MTX2: variants seen among roughly 807,000 people sequenced by gnomAD.
MTX2 encodes metaxin-2.
In MTX2, 35 loss-of-function variants were observed where a neutral mutation model predicts 42.3. The observed-to-expected ratio is 0.83, with a 90% confidence interval of 0.63 to 1.10. The LOEUF (loss-of-function observed/expected upper bound fraction) is 1.10. Among genes scored for constraint, MTX2 ranks in the 50% least tolerant of loss-of-function variants. The pLI is 0.00. For synonymous variants in MTX2, 119 were observed against 100.9 expected (o/e 1.18, Z -1.08); for missense variants, 307 against 304.1 (o/e 1.01, Z -0.07).
chr2:176,318,837 A>G (rs938843142), intron 3 of MTX2, among the ~76,000 whole-genome samples: 20 of 152,332 alleles, frequency 1.3e-4, no homozygotes, highest in African/African-American at 4.8e-4. Context: ...CACTGTGAAG[A>G]TGGAAGTGTT....
intron 1 of MTX2, among the ~76,000 whole-genome samples, chr2:176,271,370 C>T (rs1178586325): frequency 6.6e-6 from 1 of 152,052 alleles, no homozygotes; most frequent in African/African-American, 2.4e-5. Flanking sequence ...CTTAAGAATT[C>T]ATAATCCATA....
At chr2:176,300,683 A>C (rs1684003004) in intron 3 of MTX2, among the ~76,000 whole-genome samples, 1 of 152,116 alleles carries the variant, frequency 6.6e-6, no homozygotes, top group South Asian at 2.1e-4. Flanking sequence ...CTTTTATAGA[A>C]GATTCCAATT....
intron 3 of MTX2, among the ~76,000 whole-genome samples, chr2:176,311,304 A>T (rs1684297912): frequency 6.6e-6 from 1 of 151,996 alleles, no homozygotes; most frequent in Non-Finnish European, 1.5e-5. Flanking sequence ...GAACTATGTG[A>T]GGTGTCTTTC....
Position 176,286,303 on chromosome 2 carries a change from G to A in MTX2, c.41-10557G>A, listed in dbSNP as rs142207817. Among the ~76,000 whole-genome samples the A allele has an allele frequency of 6.1e-4, 93 of 152,216 alleles. 2 individuals are homozygous for A. The highest frequency in any genetic ancestry group is 1.9e-4 in the East Asian group (1 of 5,178). On this transcript the variant is annotated intron_variant, in intron 1 of 9. Transcript: ENST00000249442. ...GTTTTGCGGAATCTTAATTGCTGTCGTTATCATAATCATCATCTGCCTAAA... is the reference window on the plus strand; with the variant it reads ...GTTTTGCGGAATCTTAATTGCTGTCATTATCATAATCATCATCTGCCTAAA...
intron 1 of MTX2, among the ~76,000 whole-genome samples, chr2:176,288,909 C>T (rs1022679943): frequency 2.6e-5 from 4 of 151,780 alleles, no homozygotes; most frequent in Admixed American, 6.6e-5. Flanking sequence ...CAGAATTAGA[C>T]TAATTTTTTT....
chr2:176,329,903 GTCTA>G lies in MTX2; in HGVS notation c.543+481_543+484del, dbSNP rs1307097251. Among the ~76,000 whole-genome samples the G allele has an allele frequency of 6.5e-3, 938 of 143,302 alleles. 10 individuals carry two copies. The highest frequency in any genetic ancestry group is 0.023 in the African/African-American group (880 of 39,054). 94.0% of individuals were successfully genotyped at this position (143,302 alleles called of 152,430 possible). A position where few individuals can be genotyped will look rare whatever the true frequency, so the allele number is the denominator to read the frequency against. ...TGTCCGTCTGTCTGTCTATCTATCT[GTCTA>G]TCTGTCTATCTATCTGTCTATCTAT... On this transcript the variant is annotated intron_variant, in intron 8 of 9. Coordinates refer to ENST00000249442, the MANE Select transcript of MTX2 (RefSeq NM_006554.5).
chr2:176,303,308 G>T (rs1363739939), intron 3 of MTX2, among the ~76,000 whole-genome samples: 1 of 151,982 alleles, frequency 6.6e-6, no homozygotes, highest in Non-Finnish European at 1.5e-5. Flanking sequence ...CTCTCAATTT[G>T]ATCATCCTCT....
intron 1 of MTX2, among the ~76,000 whole-genome samples, chr2:176,295,444 T>G (rs1409274524): frequency 6.6e-6 from 1 of 152,186 alleles, no homozygotes; most frequent in Non-Finnish European, 1.5e-5. Flanking sequence ...ATTGAAATTT[T>G]ACTTTGTTAA....
chr2:176,286,927 A>G (rs1693218313), intron 1 of MTX2, among the ~76,000 whole-genome samples: 1 of 152,176 alleles, frequency 6.6e-6, no homozygotes, highest in African/African-American at 2.4e-5. Flanking sequence ...TTTGTGGAAT[A>G]TTATTTGAGT....
intron 3 of MTX2, among the ~76,000 whole-genome samples, chr2:176,320,059 A>G (rs1436142219): frequency 6.6e-6 from 1 of 152,136 alleles, no homozygotes; most frequent in Non-Finnish European, 1.5e-5. Flanking sequence ...TTGACTAACT[A>G]GAATTATGCT....
chr2:176,334,227 A>G (rs1473376650), intron 9 of MTX2, among the ~76,000 whole-genome samples: 1 of 151,862 alleles, frequency 6.6e-6, no homozygotes, highest in Admixed American at 6.6e-5. Context: ...CAGAGCCTTC[A>G]TTTATTAATA....
rs765556508 is a variant in MTX2 at position 176,328,940 on chromosome 2, A to G, written c.417+28A>G. ...GAGTGGTTCTGTAACATTTATCTTAATTAAAATTTAATGAGAAAACACTTT... is the reference window on the plus strand; with the variant it reads ...GAGTGGTTCTGTAACATTTATCTTAGTTAAAATTTAATGAGAAAACACTTT... On this transcript the variant is annotated intron_variant, in intron 7 of 9. Transcript: ENST00000249442. 2.6e-5 allele frequency: 41 copies of G among 1,580,334 alleles called. 1 individual carries two copies. The highest frequency in any genetic ancestry group is 1.6e-5 in the Non-Finnish European group (19 of 1,152,630).
intron 3 of MTX2, among the ~76,000 whole-genome samples, chr2:176,300,079 T>C (rs1003290829): frequency 3.9e-5 from 6 of 152,080 alleles, no homozygotes; most frequent in African/African-American, 1.4e-4. Flanking sequence ...CATGTTTCTC[T>C]GGTCCCTTGA....
chr2:176,297,867 C>A lies in MTX2; in HGVS notation c.107C>A (p.Ser36Tyr). Residue 36 changes from serine (S) to tyrosine (Y), a missense_variant, in exon 3 of 10, where the codon TCT becomes TAT. By Grantham distance (144) the Ser-to-Tyr change is moderately radical. Transcript: ENST00000249442. ...QQLKGEQILL[S>Y]DNAASLAVQA... is the part of the protein sequence containing the mutation. ...TCCACAGGGGAGCAAATTTTACTTT[C>A]TGACAATGCAGCTTCTCTTGCAGTG... The A allele has an allele frequency of 6.4e-7, 1 of 1,561,756 alleles. No homozygotes were observed. The highest frequency in any genetic ancestry group is 2.3e-5 in the East Asian group (1 of 42,766).
intron 8 of MTX2, among the ~76,000 whole-genome samples, chr2:176,330,186 G>A (rs1004134062): frequency 1.1e-4 from 17 of 150,874 alleles, no homozygotes; most frequent in Non-Finnish European, 2.2e-4. Flanking sequence ...TTATTAAGCA[G>A]ATTTTTTGGT....
intron 1 of MTX2, among the ~76,000 whole-genome samples, chr2:176,281,011 G>A (rs1331102415): frequency 1.3e-5 from 2 of 152,116 alleles, no homozygotes; most frequent in Non-Finnish European, 2.9e-5. Flanking sequence ...CTATTAAGAT[G>A]GCCATCTTGA....
intron 3 of MTX2, among the ~76,000 whole-genome samples, chr2:176,320,978 T>G (rs183378210): frequency 6.6e-6 from 1 of 152,164 alleles, no homozygotes; most frequent in East Asian, 1.9e-4. Context: ...AGATTACAGG[T>G]GTGAGCCACT....
chr2:176,317,890 A>C (rs976220453), intron 3 of MTX2, among the ~76,000 whole-genome samples: 3 of 152,146 alleles, frequency 2.0e-5, no homozygotes, highest in Non-Finnish European at 4.4e-5. Context: ...ACTTTCATCC[A>C]GTCCTTTATT....
chr2:176,283,873 TTTACTC>T (rs1017282797), intron 1 of MTX2, among the ~76,000 whole-genome samples: 4 of 152,304 alleles, frequency 2.6e-5, no homozygotes, highest in South Asian at 2.1e-4. Flanking sequence ...GGATTAGACT[TTTACTC>T]TTAACCAGCT....
Sources: gnomAD v4.1 joint callset for allele counts (sites outside exome capture counted in the v4.1 genomes callset) on GRCh38, gnomAD v4.1.1 for gene constraint, MANE v1.5 for transcripts, NCBI Gene and HGNC (gene_info 2026-07-23, HGNC 2026-07-21) for gene names.